The following CORO2A variants were observed in gnomAD, a reference collection of about 807,000 sequenced individuals.
CORO2A encodes the protein coronin-2A.
A neutral mutation model predicts 62.4 loss-of-function variants in CORO2A; 47 were observed. The observed-to-expected ratio is 0.75, with a 90% CI of 0.60 to 0.96. CORO2A has a LOEUF of 0.96. Among genes scored for constraint, CORO2A ranks in the 40% least tolerant of loss-of-function variants. The pLI, the probability that CORO2A is intolerant of heterozygous loss-of-function variation, is 0.00. For synonymous variants in CORO2A, 273 were observed against 268.9 expected (o/e 1.02, Z -0.15); for missense variants, 610 against 684.1 (o/e 0.89, Z 1.21).
chr9:98,132,347 G>A (rs750543089), intron 5 of CORO2A, 46 bp from the exon 6 acceptor site: 72 of 1,511,942 alleles, frequency 4.8e-5, no homozygotes, highest in Non-Finnish European at 6.2e-5. Context: ...GTAGAGGATC[G>A]GGGGCAGCTG....
At chr9:98,141,409 C>T (rs1227828950) in intron 2 of CORO2A, among the ~76,000 whole-genome samples, 4 of 148,472 alleles carry the variant, frequency 2.7e-5, no homozygotes, top group East Asian at 2.0e-4. Flanking sequence ...TGGGGTGCAG[C>T]GGTGCGATCC....
At chr9:98,186,856 C>A (rs1828245127) in intron 1 of CORO2A, among the ~76,000 whole-genome samples, 1 of 152,076 alleles carries the variant, frequency 6.6e-6, no homozygotes, top group Non-Finnish European at 1.5e-5. Context: ...TGGCCTGGAC[C>A]CCAACCTCTC....
At chr9:98,125,027 G>A (rs1449150760) in intron 11 of CORO2A, 122 bp from the exon 12 acceptor site, 3 of 1,059,774 alleles carry the variant, frequency 2.8e-6, no homozygotes, top group Admixed American at 2.6e-5. Flanking sequence ...GCTGAGGCCT[G>A]ATGGGGCTGT....
intron 1 of CORO2A, among the ~76,000 whole-genome samples, chr9:98,163,347 GC>G (rs1722422981): frequency 2.0e-5 from 3 of 152,160 alleles, no homozygotes; most frequent in African/African-American, 4.8e-5. Flanking sequence ...ATGCCACTGT[GC>G]CCCACTAATT....
chr9:98,170,224 C>T (rs1382824741), intron 1 of CORO2A, among the ~76,000 whole-genome samples: 1 of 152,204 alleles, frequency 6.6e-6, no homozygotes, highest in Non-Finnish European at 1.5e-5. Flanking sequence ...CACCAACACA[C>T]CCATAGGACT....
chr9:98,170,422 C>T (rs1197632106), intron 1 of CORO2A, among the ~76,000 whole-genome samples: 1 of 152,202 alleles, frequency 6.6e-6, no homozygotes, highest in African/African-American at 2.4e-5. Context: ...GCTGGTCAGG[C>T]TGGAGAATCC....
At chr9:98,150,362 C>A (rs1016443563) in intron 2 of CORO2A, among the ~76,000 whole-genome samples, 3 of 152,198 alleles carry the variant, frequency 2.0e-5, no homozygotes, top group Admixed American at 6.5e-5. Flanking sequence ...TCCCACCACT[C>A]TGTGGTCACA....
intron 1 of CORO2A, among the ~76,000 whole-genome samples, chr9:98,162,321 C>T (rs1170553889): frequency 6.6e-6 from 1 of 152,218 alleles, no homozygotes; most frequent in African/African-American, 2.4e-5. Flanking sequence ...ATCATGATCA[C>T]TTCCACTCTA....
intron 2 of CORO2A, among the ~76,000 whole-genome samples, chr9:98,146,384 T>C (rs1437701950): frequency 2.0e-5 from 3 of 152,094 alleles, no homozygotes; most frequent in African/African-American, 7.2e-5. Context: ...TCTAACCAGC[T>C]CACCCTGGGT....
intron 1 of CORO2A, among the ~76,000 whole-genome samples, chr9:98,184,504 T>A (rs2118939523): frequency 6.6e-6 from 1 of 152,314 alleles, no homozygotes; most frequent in South Asian, 2.1e-4. Context: ...CTACTCTTTC[T>A]CTTACCGTGA....
intron 1 of CORO2A, among the ~76,000 whole-genome samples, chr9:98,192,071 C>A (rs892812195): frequency 1.3e-5 from 2 of 152,216 alleles, no homozygotes; most frequent in Admixed American, 6.5e-5. Flanking sequence ...TGGCGGGGAC[C>A]CGGGGATGCC....
chr9:98,173,925 T>C (rs1166218061), intron 1 of CORO2A, among the ~76,000 whole-genome samples: 1 of 152,104 alleles, frequency 6.6e-6, no homozygotes, highest in Non-Finnish European at 1.5e-5. Context: ...GAGACTAGCC[T>C]GACCAACATG....
Position 98,134,858 on chromosome 9 carries a change from T to G in CORO2A, c.416A>C (p.Glu139Ala), listed in dbSNP as rs1304989592. The G allele has an allele frequency of 6.2e-7, 1 of 1,614,090 alleles. No homozygotes were observed. Among genetic ancestry groups the G allele is most frequent in the East Asian group, 2.2e-5 (1 of 44,870 alleles). Residue 139 changes from glutamate to alanine, a missense_variant, in exon 4 of 12, where the codon GAG becomes GCG. Transcript: ENST00000375077. The stretch of plus-strand genomic sequence containing the variant: ...GATGTTGGCGGCCGTGGGGTGCCAC[T>G]CCACCAGGCCTACTCTGCGCGCGTG... ...VGHARRVGLVEWHPTAANILF... is the reference protein window; with the variant it reads ...VGHARRVGLVAWHPTAANILF...
chr9:98,137,391 C>T (rs772766989), intron 3 of CORO2A, among the ~76,000 whole-genome samples, 181 bp downstream of exon 3: 3 of 152,052 alleles, frequency 2.0e-5, no homozygotes, highest in Admixed American at 6.6e-5. Context: ...GGGGTGGTGC[C>T]GCTAGTCCTA....
In CORO2A at chr9:98,124,867, T is replaced by C. The variant is rs1009948929; in HGVS notation, c.1485A>G (p.Arg495=). 3.2e-6 allele frequency: 5 copies of C among 1,585,440 alleles called. No individual in the cohort carries two copies. Among genetic ancestry groups the C allele is most frequent in the Middle Eastern group, 1.7e-4 (1 of 6,012 alleles). The part of the protein sequence containing the change: ...QMFYRQQEEI[R]RLRELLTQRE... ...GCTGGGTCAACAGCTCCCGGAGCCT[T>C]CGGATCTCCTCCTGTTGCCGGTAGA... Residue 495 remains arginine (R), a synonymous_variant, in exon 12 of 12, where the codon CGA becomes CGG. Coordinates refer to ENST00000375077, the MANE Select transcript of CORO2A (RefSeq NM_052820.4).
In CORO2A at chr9:98,129,793, C is replaced by T. The variant is rs778401206; in HGVS notation, c.967+1G>A. On this transcript the variant is annotated splice_donor_variant, in intron 8 of 11. Transcript: ENST00000375077. LOFTEE classifies it high-confidence loss of function. Reference sequence around the variant, plus strand: ...CATGAACTTCAGTGTCCCTCACTTACCGATCCCCTTCTGTGGGTTATAGGA... The same window carrying T: ...CATGAACTTCAGTGTCCCTCACTTATCGATCCCCTTCTGTGGGTTATAGGA... 1 of 1,611,438 alleles carries T rather than the reference C, an allele frequency of 6.2e-7. No individual in the cohort carries two copies. The highest frequency in any genetic ancestry group is 8.5e-7 in the Non-Finnish European group (1 of 1,177,636).
At chr9:98,159,426 C>T (rs1168104648) in intron 1 of CORO2A, among the ~76,000 whole-genome samples, 1 of 152,094 alleles carries the variant, frequency 6.6e-6, no homozygotes, top group Non-Finnish European at 1.5e-5. Context: ...GCATTCAAGG[C>T]CTCTGGCTGG....
At chr9:98,183,158 G>A (rs1210766105) in intron 1 of CORO2A, among the ~76,000 whole-genome samples, 1 of 143,498 alleles carries the variant, frequency 7.0e-6, no homozygotes, top group Non-Finnish European at 1.5e-5. Context: ...TCCTAGTCTT[G>A]CTCAGAAAGC....
rs75310823 is a variant in CORO2A at position 98,145,441 on chromosome 9, G to C, written c.202-7753C>G. ...CATTCCTTGAGTATGTTCTTGTCCA[G>C]GATGAACAAACCCCTAGAACTGGAA... On this transcript the variant is annotated intron_variant, in intron 2 of 11. Transcript: ENST00000375077. Among the ~76,000 whole-genome samples, 95 of 152,234 alleles carry C rather than the reference G, an allele frequency of 6.2e-4. No homozygotes were observed. In the East Asian group the frequency reaches 0.017, roughly 27 times the overall value.
Sources: gnomAD v4.1 joint callset for allele counts (sites outside exome capture counted in the v4.1 genomes callset) on GRCh38, gnomAD v4.1.1 for gene constraint, MANE v1.5 for transcripts, NCBI Gene and HGNC (gene_info 2026-07-23, HGNC 2026-07-21) for gene names.